The following KIFAP3 variants were observed in gnomAD, a reference collection of about 807,000 sequenced individuals.
KIFAP3 encodes kinesin-associated protein 3.
KIFAP3 carries 68 observed loss-of-function variants against 106.5 expected under a neutral mutation model. The ratio of observed to expected loss-of-function variants is 0.64; its 90% confidence interval spans 0.53 to 0.78. The LOEUF is 0.78. KIFAP3 is among the 30% of genes least tolerant of loss of function. The pLI is 0.00. For synonymous variants in KIFAP3, 320 were observed against 311.5 expected (o/e 1.03, Z -0.29); for missense variants, 780 against 941.8 (o/e 0.83, Z 2.25).
Position 169,941,858 on chromosome 1 carries a change from CA to C in KIFAP3, c.2273+12152del, listed in dbSNP as rs1451031982. On this transcript the variant is annotated intron_variant, in intron 19 of 19. Transcript: ENST00000361580. ...CCTCAATTGAGAGGTTTCATTGTAA[CA>C]AAAAAGAAAATAAATATGATTCTTT... 5.3e-5 allele frequency among the ~76,000 whole-genome samples: 8 copies of C among 151,988 alleles called. No individual in the cohort carries two copies. In the South Asian group the frequency reaches 6.2e-4, roughly 12 times the overall value.
chr1:170,030,499 C>T (rs79336994), intron 8 of KIFAP3, among the ~76,000 whole-genome samples: 9,565 of 151,806 alleles, frequency 0.063, 386 homozygotes, highest in Non-Finnish European at 0.095. Flanking sequence ...GAAAAGAAAG[C>T]GTATGTCCAT....
chr1:169,982,702 C>G lies in KIFAP3; in HGVS notation c.1672G>C (p.Gly558Arg). ...CAAAAGTGAAATACTTAGCACAAAC[C>G]TGGTTTTAGTTTATCCTTGAGGTAT... ...VPYLKDKLKP[G>R]AAEDDLVLEV... The change falls in exon 14 of 20, where the codon GGT becomes CGT. Residue 558 changes from glycine to arginine, a missense_variant and splice_region_variant. Around this residue, in one of 3 missense-constraint regions of KIFAP3, gnomAD observed 588 missense variants for 678.9 expected, o/e 0.87. Coordinates refer to ENST00000361580, the MANE Select transcript of KIFAP3 (RefSeq NM_014970.4). The G allele has an allele frequency of 6.4e-7, 1 of 1,564,246 alleles. No homozygotes were observed. The highest frequency in any genetic ancestry group is 8.7e-7 in the Non-Finnish European group (1 of 1,151,552).
chr1:169,938,185 C>A (rs939814126), intron 19 of KIFAP3, among the ~76,000 whole-genome samples: 5 of 151,830 alleles, frequency 3.3e-5, no homozygotes, highest in African/African-American at 1.2e-4. Context: ...ATGGGTGTTT[C>A]TCAGTATATT....
intron 19 of KIFAP3, among the ~76,000 whole-genome samples, chr1:169,947,503 A>T (rs1365300049): frequency 1.3e-5 from 2 of 151,958 alleles, no homozygotes; most frequent in Non-Finnish European, 2.9e-5. Flanking sequence ...GCAAATGTGC[A>T]TGTCAAGAAC....
rs138770805 is a variant in KIFAP3, at chr1:170,070,811, T to G, written c.32+3625A>C. On this transcript the variant is annotated intron_variant, in intron 1 of 19. Transcript: ENST00000361580. ...AAAGCATGAGCAACAAAAGAATAAA[T>G]TAGACTTCACCAAAATTAAAAATGT... Among the ~76,000 whole-genome samples the G allele has an allele frequency of 3.1e-3, 471 of 152,278 alleles. 16 individuals are homozygous for G. In the South Asian group the frequency reaches 0.057, roughly 19 times the overall value.
At chr1:170,050,800 T>G (rs749609214) in intron 2 of KIFAP3, among the ~76,000 whole-genome samples, 1 of 152,116 alleles carries the variant, frequency 6.6e-6, no homozygotes, top group South Asian at 2.1e-4. Flanking sequence ...TGCTGAGGGA[T>G]TCTGTCACAA....
At chr1:170,060,373 A>C (rs1671077477) in intron 1 of KIFAP3, among the ~76,000 whole-genome samples, 1 of 152,226 alleles carries the variant, frequency 6.6e-6, no homozygotes, top group African/African-American at 2.4e-5. Context: ...AATAACAGAC[A>C]AACAGAGAGC....
intron 16 of KIFAP3, 109 bp from the exon 17 acceptor site, chr1:169,972,707 C>A: frequency 1.9e-6 from 1 of 523,500 alleles, no homozygotes; most frequent in African/African-American, 2.0e-5. Flanking sequence ...GGAAATATAA[C>A]CCAAATTTTA....
intron 11 of KIFAP3, among the ~76,000 whole-genome samples, chr1:169,991,450 T>C (rs181698717): frequency 1.3e-5 from 2 of 151,924 alleles, no homozygotes; most frequent in Admixed American, 1.3e-4. Context: ...ACCTCACCAA[T>C]ATTCATGGAA....
chr1:169,928,102 T>TC (rs1206029163), intron 19 of KIFAP3, among the ~76,000 whole-genome samples: 4 of 19,056 alleles, frequency 2.1e-4, no homozygotes, highest in African/African-American at 2.1e-3. Flanking sequence ...TTATCTTTTC[T>TC]CTTTTTTTTT....
intron 19 of KIFAP3, among the ~76,000 whole-genome samples, chr1:169,935,851 T>A (rs1257216478): frequency 6.6e-6 from 1 of 151,974 alleles, no homozygotes; most frequent in African/African-American, 2.4e-5. Flanking sequence ...TGAAAATAAA[T>A]TATATGACAG....
chr1:170,031,971 A>G lies in KIFAP3; in HGVS notation c.756T>C (p.Pro252=), dbSNP rs1471348435. The G allele has an allele frequency of 1.2e-6, 2 of 1,606,874 alleles. No homozygotes were observed. The highest frequency in any genetic ancestry group is 1.7e-6 in the Non-Finnish European group (2 of 1,174,778). ...SKKKKAVDED[P]ENQTLRKDYE... ...AATCCTTTCTCAAGGTTTGGTTTTC[A>G]GGGTCTTCATCAAGTAAACAACTTG... Residue 252 remains proline, a synonymous_variant, in exon 8 of 20, where the codon CCT becomes CCC. Coordinates refer to ENST00000361580, the MANE Select transcript of KIFAP3 (RefSeq NM_014970.4).
chr1:169,969,318 T>C (rs1375745487), intron 17 of KIFAP3, among the ~76,000 whole-genome samples: 3 of 151,988 alleles, frequency 2.0e-5, no homozygotes. Flanking sequence ...TAAAGTGTTC[T>C]CCCTTACTGG....
At chr1:169,954,708 A>G (rs1422932729) in intron 18 of KIFAP3, among the ~76,000 whole-genome samples, 1 of 152,204 alleles carries the variant, frequency 6.6e-6, no homozygotes, top group Non-Finnish European at 1.5e-5. Flanking sequence ...TATTCTTAAA[A>G]GGATATACTA....
At chr1:170,004,670 C>A (rs981641601) in intron 10 of KIFAP3, among the ~76,000 whole-genome samples, 3 of 151,968 alleles carry the variant, frequency 2.0e-5, no homozygotes, top group African/African-American at 7.3e-5. Context: ...AAAGCTGAAA[C>A]TGGATCCCTT....
At chr1:169,980,904 C>T (rs772403842) in intron 15 of KIFAP3, among the ~76,000 whole-genome samples, 21 of 152,260 alleles carry the variant, frequency 1.4e-4, no homozygotes. Context: ...GAGTTCAAGA[C>T]CAGCCTGACC....
intron 1 of KIFAP3, among the ~76,000 whole-genome samples, chr1:170,060,609 A>G (rs573865077): frequency 6.6e-6 from 1 of 152,238 alleles, no homozygotes; most frequent in African/African-American, 2.4e-5. Context: ...AGATTCAATG[A>G]CATCCCCATC....
intron 19 of KIFAP3, among the ~76,000 whole-genome samples, chr1:169,929,539 C>T (rs1451305812): frequency 6.6e-6 from 1 of 152,024 alleles, no homozygotes; most frequent in Non-Finnish European, 1.5e-5. Flanking sequence ...TTTCTTTGGA[C>T]TTGAACTTTT....
At chr1:169,959,498 C>A (rs575212011) in intron 18 of KIFAP3, among the ~76,000 whole-genome samples, 53 of 152,182 alleles carry the variant, frequency 3.5e-4, no homozygotes, top group African/African-American at 1.3e-3. Flanking sequence ...TAACTGTTTT[C>A]TCACAAAAGC....
Sources: gnomAD v4.1 joint callset for allele counts (sites outside exome capture counted in the v4.1 genomes callset) on GRCh38, gnomAD v4.1.1 for gene constraint, gnomAD v4.1.1 regional missense constraint, MANE v1.5 for transcripts, NCBI Gene and HGNC (gene_info 2026-07-23, HGNC 2026-07-21) for gene names.